Variants in SGCB observed in about 807,000 individuals in gnomAD.
SGCB encodes sarcoglycan beta.
A neutral mutation model predicts 27.3 loss-of-function variants in SGCB; 25 were observed. That is an observed-to-expected ratio of 0.92 (90% CI 0.67 to 1.28). The LOEUF (loss-of-function observed/expected upper bound fraction) is 1.28, where lower values mean the gene tolerates loss of function less well. Among genes scored for constraint, SGCB ranks in the 50% most tolerant of loss-of-function variants. The pLI, the probability that SGCB is intolerant of heterozygous loss-of-function variation, is 0.00. For synonymous variants in SGCB, 147 were observed against 133.5 expected, an observed-to-expected ratio of 1.10 and a Z score of -0.70; for missense variants, 436 against 402.1, an observed-to-expected ratio of 1.08 and a Z score of -0.72.
intron 1 of SGCB, among the ~76,000 whole-genome samples, chr4:52,035,801 G>C (rs1293938536): frequency 6.6e-6 from 1 of 152,204 alleles, no homozygotes; most frequent in Non-Finnish European, 1.5e-5. Flanking sequence ...GCTTCTGACA[G>C]CCCTAACAGA....
chr4:52,027,011 T>C (rs1363091859), intron 5 of SGCB, among the ~76,000 whole-genome samples: 1 of 152,196 alleles, frequency 6.6e-6, no homozygotes, highest in African/African-American at 2.4e-5. Context: ...TGTCCATCTT[T>C]ATTATTTAGA....
chr4:52,031,729 C>T, intron 2 of SGCB: 3 of 263,270 alleles, frequency 1.1e-5, no homozygotes, highest in Non-Finnish European at 1.5e-5. Flanking sequence ...TTTTTCAATT[C>T]TTGGCACTTT....
chr4:52,031,280 T>A (rs901449042), intron 2 of SGCB, among the ~76,000 whole-genome samples: 2 of 152,120 alleles, frequency 1.3e-5, no homozygotes, highest in African/African-American at 4.8e-5. Flanking sequence ...CTGAGTTGAT[T>A]AATTTTGTTG....
intron 1 of SGCB, among the ~76,000 whole-genome samples, chr4:52,036,134 G>C (rs1243808413): frequency 2.0e-5 from 3 of 152,206 alleles, no homozygotes; most frequent in African/African-American, 7.2e-5. Flanking sequence ...GGGTACAGAA[G>C]AGGAATGCAT....
chr4:52,036,877 C>T (rs1737407215), intron 1 of SGCB, among the ~76,000 whole-genome samples: 1 of 152,174 alleles, frequency 6.6e-6, no homozygotes, highest in African/African-American at 2.4e-5. Flanking sequence ...CTAGGTTAAA[C>T]AAGTGAATGG....
Position 52,028,491 on chromosome 4 carries a change from C to T in SGCB, c.621+239G>A, listed in dbSNP as rs547850120. ...TCTCTACTAAAAATACAAAACTTAGCCGGGCATGGTGGCGCGCGCCTGTAG... is the reference window on the plus strand; with the variant it reads ...TCTCTACTAAAAATACAAAACTTAGTCGGGCATGGTGGCGCGCGCCTGTAG... On this transcript the variant is annotated intron_variant, in intron 4 of 5. Transcript: ENST00000381431. Among the ~76,000 whole-genome samples, 37 of 152,130 alleles carry T rather than the reference C, an allele frequency of 2.4e-4. No individual in the cohort carries two copies. In the East Asian group the frequency reaches 6.2e-3, roughly 26 times the overall value.
At chr4:52,024,298 G>A (rs1737030481) in intron 5 of SGCB, 138 bp from the exon 6 acceptor site, 2 of 676,530 alleles carry the variant, frequency 3.0e-6, no homozygotes, top group South Asian at 1.7e-5. Flanking sequence ...AACAACAACA[G>A]CAACAATAAA....
chr4:52,027,932 C>A, intron 5 of SGCB, 36 bp downstream of exon 5: 1 of 1,585,450 alleles, frequency 6.3e-7, no homozygotes, highest in Non-Finnish European at 8.7e-7. Context: ...ACCCAAGAAC[C>A]TAATAATTCT....
At chr4:52,027,907 C>T (rs1365751378) in intron 5 of SGCB, 61 bp downstream of exon 5, 2 of 1,439,082 alleles carry the variant, frequency 1.4e-6, no homozygotes, top group South Asian at 1.1e-5. Flanking sequence ...TACTATTCCA[C>T]ATATGGATTT....
rs201439705 is a variant in SGCB at position 52,029,715 on chromosome 4, C to T, written c.392G>A (p.Arg131Gln). The stretch of plus-strand genomic sequence containing the variant: ...GCCAGTGATGACCAAATTTTCATTT[C>T]GCCTTCCTCCTACTGTGCTTTTATA... ...PLYKSTVGGR[R>Q]NENLVITGNN... Residue 131 changes from arginine to glutamine, a missense_variant, in exon 3 of 6, where the codon CGA becomes CAA. Physicochemically the swap from Arg to Gln is conservative, Grantham distance 43 (BLOSUM62 1). Transcript: ENST00000381431. 121 of 1,613,586 alleles carry T rather than the reference C, an allele frequency of 7.5e-5. No homozygotes were observed. The highest frequency in any genetic ancestry group is 1.6e-4 in the Middle Eastern group (1 of 6,082).
At position 52,023,801 on chromosome 4, in the gene SGCB, T is replaced by G; in HGVS notation, c.*156A>C. On this transcript the variant is annotated 3_prime_UTR_variant, in exon 6 of 6. Coordinates refer to ENST00000381431, the MANE Select transcript of SGCB (RefSeq NM_000232.5). ...AAAATGTATTAGAATTTAGGCTCTC[T>G]GAGAAGATTTTAACTATGTAGACCA... The G allele has an allele frequency of 1.6e-6, 1 of 630,648 alleles. No homozygotes were observed. The highest frequency in any genetic ancestry group is 2.7e-5 in the Admixed American group (1 of 37,672). 39.1% of individuals were successfully genotyped at this position (630,648 alleles called of 1,614,324 possible). A position where few individuals can be genotyped will look rare whatever the true frequency, so the allele number is the denominator to read the frequency against.
In SGCB at chr4:52,023,575, T is replaced by C. The variant is rs1227801200; in HGVS notation, c.*382A>G. The C allele has an allele frequency of 3.1e-5, 6 of 193,948 alleles. No homozygotes were observed. The highest frequency in any genetic ancestry group is 6.5e-5 in the Non-Finnish European group (6 of 92,412). 12.0% of individuals were successfully genotyped at this position (193,948 alleles called of 1,614,324 possible). A position where few individuals can be genotyped will look rare whatever the true frequency, so the allele number is the denominator to read the frequency against. ...ATGAAACGCTGATGCCATACCTTTT[T>C]AAATATCTTAAGTGGGTCTATCCCC... On this transcript the variant is annotated 3_prime_UTR_variant, in exon 6 of 6. Transcript: ENST00000381431.
At chr4:52,035,598 T>TA (rs1205231672) in intron 1 of SGCB, among the ~76,000 whole-genome samples, 1 of 152,144 alleles carries the variant, frequency 6.6e-6, no homozygotes, top group Non-Finnish European at 1.5e-5. Flanking sequence ...TTCAGAGTGT[T>TA]AAAGGTGTGG....
chr4:52,026,722 T>TA (rs1256861534), intron 5 of SGCB, among the ~76,000 whole-genome samples: 2 of 152,238 alleles, frequency 1.3e-5, no homozygotes, highest in Non-Finnish European at 2.9e-5. Context: ...GAGAAACTGA[T>TA]ATGTGTATAT....
At chr4:52,031,171 C>G (rs1248363331) in intron 2 of SGCB, among the ~76,000 whole-genome samples, 1 of 152,126 alleles carries the variant, frequency 6.6e-6, no homozygotes, top group Non-Finnish European at 1.5e-5. Flanking sequence ...AGTTTTCAAT[C>G]TGTTCTAGGA....
At chr4:52,024,632 T>C (rs1389271471) in intron 5 of SGCB, among the ~76,000 whole-genome samples, 2 of 151,844 alleles carry the variant, frequency 1.3e-5, no homozygotes, top group African/African-American at 2.4e-5. Flanking sequence ...ATCGAGACCA[T>C]CCTGGCTAAC....
chr4:52,029,979 G>A, intron 2 of SGCB, 116 bp from the exon 3 acceptor site: 1 of 772,912 alleles, frequency 1.3e-6, no homozygotes, highest in East Asian at 2.7e-5. Flanking sequence ...TTTTATCAGT[G>A]AGGTAAATAT....
At position 52,024,085 on chromosome 4, in the gene SGCB, A is replaced by G. The variant is rs745818288; in HGVS notation, c.829T>C (p.Leu277=). ...RLPSSSSGDQ[L]GSGDWVRYKL... ...TAGCGTACCCAGTCACCACTACCCA[A>G]CTGGTCTCCACTGGAGGAACTGGGT... is the stretch of plus-strand genomic sequence containing the variant. The change falls in exon 6 of 6, where the codon TTG becomes CTG. Residue 277 remains leucine (L), a synonymous_variant. Coordinates refer to ENST00000381431, the MANE Select transcript of SGCB (RefSeq NM_000232.5). 4 of 1,613,794 alleles carry G rather than the reference A, an allele frequency of 2.5e-6. No individual in the cohort carries two copies. Among genetic ancestry groups the G allele is most frequent in the Middle Eastern group, 1.7e-4 (1 of 6,058 alleles).
intron 3 of SGCB, among the ~76,000 whole-genome samples, chr4:52,029,279 T>A (rs1263440656): frequency 6.6e-6 from 1 of 152,218 alleles, no homozygotes; most frequent in East Asian, 1.9e-4. Flanking sequence ...CTGACTAGAT[T>A]GGCATATTCT....
Sources: allele counts gnomAD v4.1 joint callset (sites outside exome capture counted in the v4.1 genomes callset), GRCh38; gene constraint gnomAD v4.1.1; transcripts MANE v1.5; gene names NCBI Gene and HGNC (gene_info 2026-07-23, HGNC 2026-07-21).